Variants in BRCA2 observed in about 807,000 individuals in gnomAD.
The protein encoded by BRCA2 is BRCA2 DNA repair associated, also known as breast cancer type 2 susceptibility protein.
A neutral mutation model predicts 276.7 loss-of-function variants in BRCA2; 203 were observed. The ratio of observed to expected loss-of-function variants is 0.73; its 90% CI spans 0.65 to 0.82. The LOEUF is 0.82. BRCA2 is among the 40% of genes least tolerant of loss of function. The probability of loss-of-function intolerance (pLI) is 0.00; values close to 1 mark genes in which losing one functional copy is unlikely to be tolerated. For synonymous variants in BRCA2, 1,289 were observed against 1,338.4 expected, an observed-to-expected ratio of 0.96 and a Z score of 0.81; for missense variants, 3,920 against 3,915.0, an observed-to-expected ratio of 1.00 and a Z score of -0.03.
At chr13:32,356,046 G>C (rs1450024922) in intron 14 of BRCA2, among the ~76,000 whole-genome samples, 3 of 149,318 alleles carry the variant, frequency 2.0e-5, no homozygotes, top group Non-Finnish European at 3.0e-5. Context: ...CAGGGCTTGC[G>C]CTTTTTTTTT....
At chr13:32,365,721 C>CTTTTTTTTTTTTTTTTTTTTTTCT (rs36116910) in intron 18 of BRCA2, among the ~76,000 whole-genome samples, 1 of 105,882 alleles carries the variant, frequency 9.4e-6, no homozygotes, top group African/African-American at 3.6e-5. Context: ...ACTTTGGTGT[C>CTTTTTTTTTTTTTTTTTTTTTTCT]TTTTTTTTTT....
rs116833677 is a variant in BRCA2 at position 32,394,146 on chromosome 13, G to A, written c.9257-543G>A. Among the ~76,000 whole-genome samples the A allele has an allele frequency of 1.9e-3, 284 of 152,018 alleles. No individual in the cohort carries two copies. The highest frequency in any genetic ancestry group is 6.6e-3 in the African/African-American group (273 of 41,452). On this transcript the variant is annotated intron_variant, in intron 24 of 26. Coordinates refer to ENST00000380152, the MANE Select transcript of BRCA2 (RefSeq NM_000059.4). ...CCTCACTCTTTTTTTACAGCTACGT[G>A]GTACACCATTGTTTGGATGTACCAC...
intron 20 of BRCA2, chr13:32,375,474 G>T: frequency 2.7e-6 from 1 of 367,718 alleles, no homozygotes; most frequent in Non-Finnish European, 5.4e-6. Flanking sequence ...TATTTAGAAT[G>T]GTGAATCCTT....
chr13:32,355,317 T>C, intron 14 of BRCA2, 29 bp downstream of exon 14: 1 of 1,612,132 alleles, frequency 6.2e-7, no homozygotes, highest in Non-Finnish European at 8.5e-7. Flanking sequence ...TGTGATGAAT[T>C]TTTGCCTTTC....
rs988174316 is a variant in BRCA2 at position 32,370,286 on chromosome 13, T to G, written c.8332-116T>G. ...ACTGTCTTACTAATCTTCCTAAGAC[T>G]TTTTAAAGTGAATATTTTTAAGGCA... On this transcript the variant is annotated intron_variant, in intron 18 of 26. Coordinates refer to ENST00000380152, the MANE Select transcript of BRCA2 (RefSeq NM_000059.4). The G allele has an allele frequency of 8.6e-6, 9 of 1,046,928 alleles. No homozygotes were observed. The African/African-American group carries it at 1.3e-4, about 15-fold the overall frequency. The allele number at this position is 1,046,928 out of a possible 1,614,324, so 64.9% of individuals were successfully genotyped here.
rs368055906 is a variant in BRCA2 at position 32,340,235 on chromosome 13, T to C, written c.5880T>C (p.Cys1960=). The C allele has an allele frequency of 5.6e-6, 9 of 1,613,866 alleles. No homozygotes were observed. The highest frequency in any genetic ancestry group is 1.7e-5 in the Admixed American group (1 of 60,002). The change falls in exon 11 of 27, where the codon TGT becomes TGC. Residue 1960 remains cysteine, a synonymous_variant. Transcript: ENST00000380152. The part of the protein sequence containing the change: ...VSLETSDICK[C]SIGKLHKSVS... ...TGGAAACTTCAGATATATGTAAATG[T>C]AGTATAGGGAAGCTTCATAAGTCAG... is the stretch of plus-strand genomic sequence containing the variant.
At chr13:32,358,022 A>G (rs2072713177) in intron 16 of BRCA2, 93 bp downstream of exon 16, 2 of 1,396,454 alleles carry the variant, frequency 1.4e-6, no homozygotes, top group South Asian at 2.4e-5. Flanking sequence ...AAAGTTGGCT[A>G]GAAATCAAAT....
chr13:32,339,180 A>C lies in BRCA2; in HGVS notation c.4825A>C (p.Thr1609Pro). ...NNDKNLVSIETVVPPKLLSDN... is the reference protein window; with the variant it reads ...NNDKNLVSIEPVVPPKLLSDN... ...TGATAAAAACCTTGTTTCTATTGAGACTGTGGTGCCACCTAAGCTCTTAAG... is the reference window on the plus strand; with the variant it reads ...TGATAAAAACCTTGTTTCTATTGAGCCTGTGGTGCCACCTAAGCTCTTAAG... Residue 1609 changes from threonine to proline, a missense_variant, in exon 11 of 27, where the codon ACT (threonine) becomes CCT (proline). By Grantham distance (38) the Thr-to-Pro change is conservative (BLOSUM62 -1). This residue lies in a region of BRCA2 where 3,263 missense variants were observed against 3,156.9 expected (regional missense o/e 1.03). Coordinates refer to ENST00000380152, the MANE Select transcript of BRCA2 (RefSeq NM_000059.4). The C allele has an allele frequency of 1.2e-6, 2 of 1,613,828 alleles. No homozygotes were observed. The highest frequency in any genetic ancestry group is 1.7e-6 in the Non-Finnish European group (2 of 1,179,782).
intron 20 of BRCA2, chr13:32,375,521 C>G (rs1485550820): frequency 3.9e-6 from 1 of 259,000 alleles, no homozygotes; most frequent in African/African-American, 2.3e-5. Context: ...CCATATCTAT[C>G]AGAGAAATCA....
chr13:32,360,982 A>G (rs900306979), intron 16 of BRCA2, among the ~76,000 whole-genome samples: 1 of 152,192 alleles, frequency 6.6e-6, no homozygotes, highest in Non-Finnish European at 1.5e-5. Context: ...ATGGAGGGAA[A>G]TGGAGAGTTT....
At position 32,355,177 on chromosome 13, in the gene BRCA2, T is replaced by C. The variant is rs2137558036; in HGVS notation, c.7324T>C (p.Ser2442Pro). ...RQKQNIDGHG[S>P]DDSKNKINDN... Reference sequence around the variant, plus strand: ...AAAGCAAAACATTGATGGACATGGCTCTGATGATAGTAAAAATAAGATTAA... The same window carrying C: ...AAAGCAAAACATTGATGGACATGGCCCTGATGATAGTAAAAATAAGATTAA... The change falls in exon 14 of 27, where the codon TCT (serine) becomes CCT (proline). Residue 2442 changes from serine (S) to proline (P), a missense_variant. Coordinates refer to ENST00000380152, the MANE Select transcript of BRCA2 (RefSeq NM_000059.4). The C allele has an allele frequency of 6.2e-7, 1 of 1,613,934 alleles. No homozygotes were observed. Among genetic ancestry groups the C allele is most frequent in the Non-Finnish European group, 8.5e-7 (1 of 1,179,862 alleles).
chr13:32,376,392 G>A (rs1230462636), intron 20 of BRCA2, among the ~76,000 whole-genome samples: 1 of 151,868 alleles, frequency 6.6e-6, no homozygotes, highest in Non-Finnish European at 1.5e-5. Flanking sequence ...CATGTTGGAT[G>A]TGCCTCTAAT....
chr13:32,342,003 C>T (rs1464325131), intron 11 of BRCA2, among the ~76,000 whole-genome samples: 2 of 151,896 alleles, frequency 1.3e-5, no homozygotes, highest in Non-Finnish European at 2.9e-5. Flanking sequence ...CTGGGCGTGG[C>T]GCTCATGCCT....
chr13:32,343,762 TA>T (rs1218544399), intron 11 of BRCA2, among the ~76,000 whole-genome samples: 1 of 152,138 alleles, frequency 6.6e-6, no homozygotes, highest in Non-Finnish European at 1.5e-5. Context: ...TGTTACTACT[TA>T]ATTTCCCTCA....
chr13:32,342,702 A>G (rs1374764419), intron 11 of BRCA2, among the ~76,000 whole-genome samples: 1 of 152,186 alleles, frequency 6.6e-6, no homozygotes, highest in Non-Finnish European at 1.5e-5. Context: ...ACACAGTGGC[A>G]AGCATTTGTG....
At position 32,380,138 on chromosome 13, in the gene BRCA2, A is replaced by T. The variant is rs80359191; in HGVS notation, c.9249A>T (p.Lys3083Asn). The change falls in exon 24 of 27, where the codon AAA becomes AAT. Residue 3083 changes from lysine (K) to asparagine (N), a missense_variant. Physicochemically the swap from Lys to Asn is moderately conservative, Grantham distance 94. Coordinates refer to ENST00000380152, the MANE Select transcript of BRCA2 (RefSeq NM_000059.4). ...TAGGATTTGTCGTTTCTGTTGTGAA[A>T]AAAACAGGTAATGCACAATATAGTT... is the stretch of plus-strand genomic sequence containing the variant. ...DLIGFVVSVV[K>N]KTGLAPFVYL... is the part of the protein sequence containing the mutation. 7 of 1,612,862 alleles carry T rather than the reference A, an allele frequency of 4.3e-6. No individual in the cohort carries two copies. Among genetic ancestry groups the T allele is most frequent in the African/African-American group, 1.3e-5 (1 of 74,864 alleles).
chr13:32,316,581 A>G (rs756079749), intron 2 of BRCA2, 54 bp downstream of exon 2: 26 of 1,515,508 alleles, frequency 1.7e-5, no homozygotes, highest in Non-Finnish European at 2.2e-5. Context: ...GTGTTTTCTA[A>G]AAAATGCTTG....
At chr13:32,376,377 C>T (rs1388689002) in intron 20 of BRCA2, among the ~76,000 whole-genome samples, 1 of 151,846 alleles carries the variant, frequency 6.6e-6, no homozygotes, top group African/African-American at 2.4e-5. Flanking sequence ...CAAAAATTAA[C>T]CGGGCATGTT....
chr13:32,368,561 C>T (rs1449255761), intron 18 of BRCA2, among the ~76,000 whole-genome samples: 1 of 150,850 alleles, frequency 6.6e-6, no homozygotes, highest in Non-Finnish European at 1.5e-5. Context: ...ATTTGAGTCT[C>T]TCTGGTTAGA....
Sources: gnomAD v4.1 joint callset for allele counts (sites outside exome capture counted in the v4.1 genomes callset) on GRCh38, gnomAD v4.1.1 for gene constraint, gnomAD v4.1.1 regional missense constraint, MANE v1.5 for transcripts, NCBI Gene and HGNC (gene_info 2026-07-23, HGNC 2026-07-21) for gene names.